Variants in IGSF10 observed in about 807,000 individuals in gnomAD.
The protein encoded by IGSF10 is immunoglobulin superfamily member 10, also known as calvaria mechanical force protein 608.
In IGSF10, 126 loss-of-function variants were observed where a neutral mutation model predicts 128.2. That is an observed-to-expected ratio of 0.98 (90% CI 0.85 to 1.14). IGSF10 has a LOEUF of 1.14. Among genes scored for constraint, IGSF10 ranks in the 50% most tolerant of loss-of-function variants. The pLI, the probability that IGSF10 is intolerant of heterozygous loss-of-function variation, is 0.00. For missense variants in IGSF10, 3,295 were observed against 3,149.8 expected (o/e 1.05, Z -1.10); for synonymous variants, 1,185 against 1,146.2 (o/e 1.03, Z -0.68).
the IGSF10 span, among the ~76,000 whole-genome samples, chr3:151,591,839 G>A: frequency 4.2e-3 from 644 of 152,080 alleles, 5 homozygotes; most frequent in African/African-American, 0.015. Flanking sequence ...TATGAAAGAT[G>A]CAAAAATCCT....
At chr3:151,438,859 T>TAG (rs1242045917) in intron 7 of IGSF10, among the ~76,000 whole-genome samples, 22 of 88,074 alleles carry the variant, frequency 2.5e-4, no homozygotes, top group Non-Finnish European at 6.7e-4. Flanking sequence ...GAGGTATATA[T>TAG]ATATATAGAG....
chr3:151,459,903 T>G (rs1039905713), intron 2 of IGSF10, among the ~76,000 whole-genome samples: 6 of 152,228 alleles, frequency 3.9e-5, no homozygotes, highest in African/African-American at 1.2e-4. Flanking sequence ...GGGGCTGAAC[T>G]GCTTGGATTT....
At chr3:151,567,240 A>G in the IGSF10 span, among the ~76,000 whole-genome samples, 2 of 152,170 alleles carry the variant, frequency 1.3e-5, no homozygotes, top group South Asian at 4.1e-4. Flanking sequence ...TATTCCTGGG[A>G]GATTCACCTC....
At chr3:151,511,277 T>C in the IGSF10 span, among the ~76,000 whole-genome samples, 1 of 152,284 alleles carries the variant, frequency 6.6e-6, no homozygotes, top group East Asian at 1.9e-4. Flanking sequence ...TGGCAGAAAC[T>C]CTACAAAGCC....
At chr3:151,588,026 GA>G in the IGSF10 span, among the ~76,000 whole-genome samples, 2 of 152,138 alleles carry the variant, frequency 1.3e-5, no homozygotes, top group Non-Finnish European at 2.9e-5. Context: ...AACATTTGAA[GA>G]AGTAAAGTCA....
chr3:151,451,920 C>T (rs1240099092), intron 5 of IGSF10, among the ~76,000 whole-genome samples: 1 of 152,138 alleles, frequency 6.6e-6, no homozygotes, highest in African/African-American at 2.4e-5. Context: ...AACATCTTTG[C>T]AGAATCAAAG....
At chr3:151,559,204 A>G in the IGSF10 span, among the ~76,000 whole-genome samples, 1 of 152,176 alleles carries the variant, frequency 6.6e-6, no homozygotes, top group African/African-American at 2.4e-5. Context: ...CTCAACAGCT[A>G]TTGATCATGG....
the IGSF10 span, among the ~76,000 whole-genome samples, chr3:151,590,495 T>G: frequency 9.8e-5 from 15 of 152,354 alleles, no homozygotes; most frequent in African/African-American, 3.6e-4. Flanking sequence ...GATGAAAATC[T>G]GTTAAAGATA....
At chr3:151,522,325 G>A in the IGSF10 span, among the ~76,000 whole-genome samples, 2 of 151,954 alleles carry the variant, frequency 1.3e-5, no homozygotes, top group African/African-American at 4.8e-5. Context: ...AGGAGAACCT[G>A]TTCCCCAACT....
At chr3:151,586,129 G>A in the IGSF10 span, among the ~76,000 whole-genome samples, 1 of 151,880 alleles carries the variant, frequency 6.6e-6, no homozygotes, top group South Asian at 2.1e-4. Context: ...CCAGGCTAAT[G>A]TTTGTATTTT....
chr3:151,522,208 T>C, the IGSF10 span, among the ~76,000 whole-genome samples: 1 of 151,920 alleles, frequency 6.6e-6, no homozygotes, highest in Non-Finnish European at 1.5e-5. Flanking sequence ...AATAAATAGC[T>C]TGCCAACCAA....
rs1228864607 is a variant in IGSF10 at position 151,438,168 on chromosome 3, C to A, written c.6393G>T (p.Lys2131Asn). ...CAGCTGTTATAACTGTTAAGTGGACCTTCATTTCATCTTTCCCTAGGGTGT... is the reference window on the plus strand; with the variant it reads ...CAGCTGTTATAACTGTTAAGTGGACATTCATTTCATCTTTCCCTAGGGTGT... ...AQNTLGKDEM[K>N]VHLTVITAAP... The change falls in exon 8 of 8, where the codon AAG (lysine) becomes AAT (asparagine). Residue 2131 changes from lysine to asparagine, a missense_variant. By Grantham distance (94) the Lys-to-Asn change is moderately conservative. Coordinates refer to ENST00000282466, the MANE Select transcript of IGSF10 (RefSeq NM_178822.5). The A allele has an allele frequency of 6.2e-7, 1 of 1,614,054 alleles. No homozygotes were observed. The highest frequency in any genetic ancestry group is 1.7e-5 in the Admixed American group (1 of 60,006).
chr3:151,478,376 A>C, the IGSF10 span, among the ~76,000 whole-genome samples: 1 of 152,198 alleles, frequency 6.6e-6, no homozygotes, highest in African/African-American at 2.4e-5. Context: ...GTTTTCTTTC[A>C]CTTAAAATCC....
At chr3:151,460,142 G>C (rs1178552806) in intron 2 of IGSF10, 119 bp downstream of exon 2, 1 of 167,576 alleles carries the variant, frequency 6.0e-6, no homozygotes, top group African/African-American at 2.4e-5. Flanking sequence ...AAAAGTTCTG[G>C]GTATGCCCAC....
chr3:151,565,858 T>C, the IGSF10 span: 108,544 of 151,682 alleles, frequency 0.72, 38,938 homozygotes, highest in South Asian at 0.77. Context: ...ATTCCTGTAT[T>C]AATTAATGCA....
At chr3:151,460,780 T>G (rs1187323394) in intron 1 of IGSF10, among the ~76,000 whole-genome samples, 166 bp downstream of exon 1, 5 of 151,986 alleles carry the variant, frequency 3.3e-5, no homozygotes, top group Non-Finnish European at 7.4e-5. Context: ...TGTCGTGTGC[T>G]TTCATGCCCC....
At chr3:151,588,095 T>C in the IGSF10 span, among the ~76,000 whole-genome samples, 1 of 152,188 alleles carries the variant, frequency 6.6e-6, no homozygotes, top group Non-Finnish European at 1.5e-5. Context: ...AAATAGTCAA[T>C]ATAAGCTAAT....
chr3:151,491,844 A>T, the IGSF10 span, among the ~76,000 whole-genome samples: 10 of 152,198 alleles, frequency 6.6e-5, no homozygotes, highest in African/African-American at 2.4e-4. Flanking sequence ...CCACAAGAAA[A>T]CAAAACTACA....
At chr3:151,526,174 T>C in the IGSF10 span, among the ~76,000 whole-genome samples, 2 of 152,192 alleles carry the variant, frequency 1.3e-5, no homozygotes, top group African/African-American at 2.4e-5. Context: ...GTTGAAGAGA[T>C]TGGGAAACAG....
Sources: gnomAD v4.1 joint callset for allele counts (sites outside exome capture counted in the v4.1 genomes callset) on GRCh38, gnomAD v4.1.1 for gene constraint, MANE v1.5 for transcripts, NCBI Gene and HGNC (gene_info 2026-07-23, HGNC 2026-07-21) for gene names.